Variants in RNF180 observed in about 807,000 individuals in gnomAD.
RNF180 encodes ring finger protein 180, also known as E3 ubiquitin-protein ligase RNF180.
Under a neutral mutation model 59.2 loss-of-function variants are expected in RNF180, and 38 were observed. That is an observed-to-expected ratio of 0.64 (90% CI 0.50 to 0.84). The LOEUF is 0.84. Ranked by LOEUF, RNF180 falls within the 40% of genes least tolerant of loss-of-function variation. The pLI, the probability that RNF180 is intolerant of heterozygous loss-of-function variation, is 0.00. For missense variants in RNF180, 705 were observed against 700.9 expected (o/e 1.01, Z -0.07); for synonymous variants, 262 against 240.3 (o/e 1.09, Z -0.84).
At chr5:64,355,136 C>T (rs973771709) in intron 7 of RNF180, among the ~76,000 whole-genome samples, 1 of 151,872 alleles carries the variant, frequency 6.6e-6, no homozygotes, top group African/African-American at 2.4e-5. Flanking sequence ...AGTAGTAAAA[C>T]TATCTGTATT....
chr5:64,229,184 C>A (rs998784533), intron 5 of RNF180, among the ~76,000 whole-genome samples: 1 of 152,116 alleles, frequency 6.6e-6, no homozygotes, highest in Non-Finnish European at 1.5e-5. Context: ...CTCAGCCTCC[C>A]AAAGTGCTGG....
chr5:64,303,292 C>T (rs1743253626), intron 5 of RNF180, among the ~76,000 whole-genome samples: 1 of 151,504 alleles, frequency 6.6e-6, no homozygotes, highest in Admixed American at 6.6e-5. Flanking sequence ...AATAACCCTA[C>T]AGTGGTCTCT....
At chr5:64,192,082 G>T (rs1384418883) in intron 1 of RNF180, among the ~76,000 whole-genome samples, 1 of 151,952 alleles carries the variant, frequency 6.6e-6, no homozygotes, top group Non-Finnish European at 1.5e-5. Flanking sequence ...TGACACCCTT[G>T]TCAAAGATCA....
At chr5:64,268,596 TGGA>T (rs1183657622) in intron 5 of RNF180, among the ~76,000 whole-genome samples, 1 of 152,108 alleles carries the variant, frequency 6.6e-6, no homozygotes, top group African/African-American at 2.4e-5. Flanking sequence ...CCCTTATACA[TGGA>T]GGAGGAGAAC....
At chr5:64,212,448 T>A (rs1225648240) in intron 3 of RNF180, among the ~76,000 whole-genome samples, 1 of 152,088 alleles carries the variant, frequency 6.6e-6, no homozygotes, top group Non-Finnish European at 1.5e-5. Context: ...TATACATATT[T>A]ACCTAAATAC....
chr5:64,354,594 C>G (rs2112590615), intron 7 of RNF180, among the ~76,000 whole-genome samples: 1 of 151,886 alleles, frequency 6.6e-6, no homozygotes, highest in East Asian at 2.0e-4. Context: ...ATGATTCATT[C>G]TATGAGGACA....
At chr5:64,197,090 G>A (rs2085782023) in intron 1 of RNF180, among the ~76,000 whole-genome samples, 1 of 152,200 alleles carries the variant, frequency 6.6e-6, no homozygotes, top group Admixed American at 6.5e-5. Context: ...TGTGTCAAAT[G>A]CTGGTATTTC....
intron 7 of RNF180, among the ~76,000 whole-genome samples, chr5:64,351,468 C>T (rs1168938897): frequency 6.6e-6 from 1 of 152,114 alleles, no homozygotes; most frequent in Non-Finnish European, 1.5e-5. Context: ...GAGAGGGCAT[C>T]CCTGTCTTGT....
At chr5:64,312,079 T>G (rs1257484593) in intron 5 of RNF180, among the ~76,000 whole-genome samples, 1 of 152,026 alleles carries the variant, frequency 6.6e-6, no homozygotes, top group Non-Finnish European at 1.5e-5. Context: ...TCATCACAGA[T>G]AGCAGAACAA....
chr5:64,335,198 AT>A lies in RNF180; in HGVS notation c.1579+4799del, dbSNP rs901363927. 2.0e-5 allele frequency among the ~76,000 whole-genome samples: 3 copies of A among 151,784 alleles called. No individual in the cohort carries two copies. The East Asian group carries it at 5.8e-4, about 29-fold the overall frequency. On this transcript the variant is annotated intron_variant, in intron 7 of 7. Transcript: ENST00000389100. ...TTTTTTACGATTTTCTGTTGGTTGT[AT>A]TTTTTTGTTGTTTAAGAATGTTAAA...
At chr5:64,189,132 C>T (rs2111990251) in intron 1 of RNF180, among the ~76,000 whole-genome samples, 1 of 152,142 alleles carries the variant, frequency 6.6e-6, no homozygotes, top group East Asian at 1.9e-4. Context: ...TGATCTTAGA[C>T]TTTCAGCCTC....
intron 7 of RNF180, among the ~76,000 whole-genome samples, chr5:64,360,459 T>A (rs1198083299): frequency 2.6e-5 from 4 of 151,678 alleles, no homozygotes; most frequent in African/African-American, 9.7e-5. Flanking sequence ...TCATACTGAA[T>A]GGGCAAAAAC....
chr5:64,326,134 G>A (rs1744627249), intron 6 of RNF180, among the ~76,000 whole-genome samples: 1 of 152,014 alleles, frequency 6.6e-6, no homozygotes, highest in South Asian at 2.1e-4. Context: ...TACATTAATA[G>A]TAAAACTGAA....
At chr5:64,242,584 G>A (rs952412254) in intron 5 of RNF180, among the ~76,000 whole-genome samples, 1 of 152,064 alleles carries the variant, frequency 6.6e-6, no homozygotes, top group Non-Finnish European at 1.5e-5. Context: ...GAAAAGTTTT[G>A]GGCATCATCA....
intron 5 of RNF180, among the ~76,000 whole-genome samples, chr5:64,309,347 C>T (rs761565103): frequency 2.6e-5 from 4 of 151,640 alleles, no homozygotes; most frequent in Non-Finnish European, 5.9e-5. Context: ...TTGAATTCAG[C>T]AGAAAACATA....
chr5:64,180,564 CA>C (rs1750516586), intron 1 of RNF180, among the ~76,000 whole-genome samples: 2 of 152,068 alleles, frequency 1.3e-5, no homozygotes, highest in Admixed American at 6.5e-5. Flanking sequence ...TTAAAAACTT[CA>C]AAAACACAGA....
intron 5 of RNF180, among the ~76,000 whole-genome samples, chr5:64,281,841 T>C (rs1287875844): frequency 2.6e-5 from 4 of 152,198 alleles, no homozygotes; most frequent in African/African-American, 9.6e-5. Flanking sequence ...CAAAAGCCTT[T>C]TCTGCATCTA....
chr5:64,204,325 T>C (rs193073839), intron 2 of RNF180, among the ~76,000 whole-genome samples: 92 of 152,310 alleles, frequency 6.0e-4, no homozygotes, highest in African/African-American at 1.9e-3. Context: ...ACATTGGCAT[T>C]AGTATTACTA....
chr5:64,226,027 C>T (rs527541824), intron 5 of RNF180, among the ~76,000 whole-genome samples: 1 of 146,206 alleles, frequency 6.8e-6, no homozygotes, highest in Admixed American at 6.8e-5. Context: ...CCGGCCGCCC[C>T]GTCTGGGAAG....
Sources: gnomAD v4.1 joint callset for allele counts (sites outside exome capture counted in the v4.1 genomes callset) on GRCh38, gnomAD v4.1.1 for gene constraint, MANE v1.5 for transcripts, NCBI Gene and HGNC (gene_info 2026-07-23, HGNC 2026-07-21) for gene names.